Variants in HECW2 observed in about 807,000 individuals in gnomAD.
HECW2 encodes the protein HECT, C2 and WW domain containing E3 ubiquitin protein ligase 2, also known as E3 ubiquitin-protein ligase HECW2.
HECW2 carries 61 observed loss-of-function variants against 175.2 expected under a neutral mutation model. The ratio of observed to expected loss-of-function variants is 0.35; its 90% confidence interval spans 0.28 to 0.43. HECW2 has a LOEUF of 0.43. Among genes scored for constraint, HECW2 ranks in the 20% least tolerant of loss-of-function variants. HECW2 has a pLI of 1.00. For synonymous variants in HECW2, 671 were observed against 731.0 expected (o/e 0.92, Z 1.32); for missense variants, 1,524 against 2,000.5 (o/e 0.76, Z 4.54).
At chr2:196,331,051 T>C in intron 4 of HECW2, 5 of 622,750 alleles carry the variant, frequency 8.0e-6, no homozygotes, top group Non-Finnish European at 1.0e-5. Flanking sequence ...GAAATTCCAT[T>C]CAAATTTTGA....
intron 1 of HECW2, among the ~76,000 whole-genome samples, chr2:196,464,023 C>A (rs1373161051): frequency 2.0e-5 from 3 of 151,808 alleles, no homozygotes; most frequent in African/African-American, 7.2e-5. Flanking sequence ...TTCCATCTTC[C>A]AGCTTTTCCT....
intron 21 of HECW2, among the ~76,000 whole-genome samples, chr2:196,231,553 C>A (rs1688057295): frequency 6.6e-6 from 1 of 152,214 alleles, no homozygotes; most frequent in African/African-American, 2.4e-5. Context: ...CGCTTTCCTG[C>A]TACAAGGGCA....
At chr2:196,262,714 C>T (rs987642029) in intron 17 of HECW2, among the ~76,000 whole-genome samples, 4 of 152,024 alleles carry the variant, frequency 2.6e-5, no homozygotes, top group South Asian at 2.1e-4. Flanking sequence ...TACAGGAATG[C>T]GCCACCATGT....
At chr2:196,424,195 G>A (rs1332646369) in intron 2 of HECW2, among the ~76,000 whole-genome samples, 2 of 152,026 alleles carry the variant, frequency 1.3e-5, no homozygotes, top group African/African-American at 4.8e-5. Context: ...ACCATGAACT[G>A]TGCCCAAGAC....
chr2:196,209,093 G>C (rs1288607694), intron 28 of HECW2, among the ~76,000 whole-genome samples: 1 of 152,160 alleles, frequency 6.6e-6, no homozygotes, highest in East Asian at 1.9e-4. Flanking sequence ...GGAAAAGTGG[G>C]TAAGCATTCT....
At chr2:196,227,853 C>G (rs1687910226) in intron 22 of HECW2, among the ~76,000 whole-genome samples, 1 of 152,210 alleles carries the variant, frequency 6.6e-6, no homozygotes. Flanking sequence ...CTTTTGAATT[C>G]TACCCAACTC....
chr2:196,567,280 A>C (rs895681300), intron 1 of HECW2, among the ~76,000 whole-genome samples: 1 of 152,206 alleles, frequency 6.6e-6, no homozygotes, highest in Non-Finnish European at 1.5e-5. Flanking sequence ...AAATAACAGA[A>C]AGAATGTTAA....
chr2:196,512,109 G>A (rs1332837750), intron 1 of HECW2, among the ~76,000 whole-genome samples: 1 of 152,210 alleles, frequency 6.6e-6, no homozygotes, highest in African/African-American at 2.4e-5. Flanking sequence ...CACACTCTGT[G>A]TGAAAGACCT....
intron 1 of HECW2, among the ~76,000 whole-genome samples, chr2:196,510,216 T>C (rs1264875180): frequency 2.0e-5 from 3 of 152,130 alleles, no homozygotes; most frequent in Non-Finnish European, 4.4e-5. Context: ...CCAATTTGGC[T>C]AGATGGGATG....
At chr2:196,451,183 C>A (rs1696334135) in intron 1 of HECW2, among the ~76,000 whole-genome samples, 2 of 152,074 alleles carry the variant, frequency 1.3e-5, no homozygotes, top group South Asian at 4.1e-4. Context: ...TGTCTGTAAT[C>A]CCAGCACTTT....
rs574256735 is a variant in HECW2 at position 196,218,539 on chromosome 2, C to T, written c.4409-1446G>A. On this transcript the variant is annotated intron_variant, in intron 26 of 28. Coordinates refer to ENST00000644978, the MANE Select transcript of HECW2 (RefSeq NM_001348768.2). Reference sequence around the variant, plus strand: ...GCTATTAGAATCTCCTGGGTCCGGGCGTGGTGGCTTACACATGTAATCCCA... The same window carrying T: ...GCTATTAGAATCTCCTGGGTCCGGGTGTGGTGGCTTACACATGTAATCCCA... Among the ~76,000 whole-genome samples the T allele has an allele frequency of 5.9e-5, 9 of 152,188 alleles. No individual in the cohort carries two copies. In the South Asian group the frequency reaches 6.2e-4, roughly 11 times the overall value.
intron 2 of HECW2, among the ~76,000 whole-genome samples, chr2:196,426,644 A>G (rs1389638211): frequency 1.3e-5 from 2 of 152,124 alleles, no homozygotes; most frequent in Non-Finnish European, 2.9e-5. Context: ...AAAAATCAAG[A>G]AGGTGGTGAG....
chr2:196,499,062 C>T (rs1273129343), intron 1 of HECW2, among the ~76,000 whole-genome samples: 1 of 152,086 alleles, frequency 6.6e-6, no homozygotes, highest in Non-Finnish European at 1.5e-5. Context: ...CTTGAAAAAC[C>T]CTAGCCTCAA....
intron 1 of HECW2, among the ~76,000 whole-genome samples, chr2:196,495,621 G>A (rs1575605381): frequency 1.3e-5 from 2 of 152,136 alleles, no homozygotes; most frequent in Admixed American, 1.3e-4. Context: ...GGTGGGAAAA[G>A]GCCAGACAGC....
intron 19 of HECW2, among the ~76,000 whole-genome samples, chr2:196,252,551 C>T (rs369416404): frequency 6.6e-6 from 1 of 152,150 alleles, no homozygotes; most frequent in Admixed American, 6.5e-5. Flanking sequence ...CTCCCCCCTG[C>T]TCTCTCTGGC....
chr2:196,407,627 C>T (rs1694999822), intron 2 of HECW2, among the ~76,000 whole-genome samples: 1 of 152,226 alleles, frequency 6.6e-6, no homozygotes, highest in Admixed American at 6.5e-5. Context: ...CACTGTCAGG[C>T]AGTGGCAGTG....
At chr2:196,510,457 G>A (rs1317827566) in intron 1 of HECW2, among the ~76,000 whole-genome samples, 1 of 152,192 alleles carries the variant, frequency 6.6e-6, no homozygotes, top group African/African-American at 2.4e-5. Context: ...AGAGAAACAG[G>A]AAAATCTAGT....
intron 21 of HECW2, among the ~76,000 whole-genome samples, chr2:196,232,421 T>G (rs1688092941): frequency 6.6e-6 from 1 of 152,232 alleles, no homozygotes; most frequent in African/African-American, 2.4e-5. Flanking sequence ...TTTTTATATC[T>G]GTACCTAGCC....
At chr2:196,578,780 A>G (rs1242490135) in intron 1 of HECW2, among the ~76,000 whole-genome samples, 1 of 152,146 alleles carries the variant, frequency 6.6e-6, no homozygotes, top group Non-Finnish European at 1.5e-5. Context: ...TGAAGGCAAA[A>G]TTAAGCCATT....
Sources: allele counts gnomAD v4.1 joint callset (sites outside exome capture counted in the v4.1 genomes callset), GRCh38; gene constraint gnomAD v4.1.1; transcripts MANE v1.5; gene names NCBI Gene and HGNC (gene_info 2026-07-23, HGNC 2026-07-21).